NRCAM: variants seen among roughly 807,000 people sequenced by gnomAD.
NRCAM encodes the protein neuronal cell adhesion molecule.
A neutral mutation model predicts 156.5 loss-of-function variants in NRCAM; 83 were observed. The observed-to-expected ratio is 0.53, with a 90% confidence interval of 0.44 to 0.64. The LOEUF is 0.64. NRCAM is among the 30% of genes least tolerant of loss of function. The pLI is 0.00. For missense variants in NRCAM, 1,417 were observed against 1,597.3 expected (o/e 0.89, Z 1.92); for synonymous variants, 538 against 563.9 (o/e 0.95, Z 0.65).
At chr7:108,344,499 C>A (rs2193243) in intron 2 of NRCAM, among the ~76,000 whole-genome samples, 11,299 of 148,464 alleles carry the variant, frequency 0.076, 425 homozygotes, top group East Asian at 0.12. Flanking sequence ...TGAAAAAAAA[C>A]CCCTGCAAAA....
rs1468298114 is a variant in NRCAM, at chr7:108,148,394, T to C, written c.*1516A>G. The C allele has an allele frequency of 6.6e-6, 1 of 152,664 alleles. No homozygotes were observed. Among genetic ancestry groups the C allele is most frequent in the Non-Finnish European group, 1.5e-5 (1 of 68,038 alleles). The allele number at this position is 152,664 out of a possible 1,614,324, so 9.5% of individuals were successfully genotyped here. ...ACAAATTCAACAAAATATCTACATA[T>C]AAAAAGCTTTACTTAAAATTAAACT... On this transcript the variant is annotated 3_prime_UTR_variant, in exon 33 of 33. Transcript: ENST00000379028.
rs557538237 is a variant in NRCAM at position 108,212,505 on chromosome 7, G to A, written c.891-2900C>T. Among the ~76,000 whole-genome samples the A allele has an allele frequency of 2.4e-4, 37 of 152,092 alleles. 1 individual carries two copies. Among genetic ancestry groups the A allele is most frequent in the African/African-American group, 8.9e-4 (37 of 41,410 alleles). The stretch of plus-strand genomic sequence containing the variant: ...TAAGGAAATCCAAAAAACAATACAA[G>A]AAGCAAAGGGAGAAATAGTCTAGGA... On this transcript the variant is annotated intron_variant, in intron 11 of 32. Transcript: ENST00000379028.
At chr7:108,333,973 A>T (rs942205451) in intron 2 of NRCAM, among the ~76,000 whole-genome samples, 1 of 152,186 alleles carries the variant, frequency 6.6e-6, no homozygotes, top group African/African-American at 2.4e-5. Flanking sequence ...TAATTTCAAC[A>T]AAGTTGCAAT....
At chr7:108,318,903 T>C (rs2098965696) in intron 2 of NRCAM, among the ~76,000 whole-genome samples, 1 of 152,182 alleles carries the variant, frequency 6.6e-6, no homozygotes, top group Non-Finnish European at 1.5e-5. Flanking sequence ...CAGTTCATGT[T>C]TATATATTTT....
At chr7:108,402,953 G>T (rs1028917061) in intron 1 of NRCAM, among the ~76,000 whole-genome samples, 5 of 130,888 alleles carry the variant, frequency 3.8e-5, no homozygotes, top group Non-Finnish European at 9.3e-5. Context: ...AAGACCATAC[G>T]AGAGAGCATG....
Position 108,209,583 on chromosome 7 carries a change from C to A in NRCAM, c.913G>T (p.Ala305Ser), listed in dbSNP as rs1252049280. 1 of 1,608,326 alleles carries A rather than the reference C, an allele frequency of 6.2e-7. No homozygotes were observed. The highest frequency in any genetic ancestry group is 8.5e-7 in the Non-Finnish European group (1 of 1,178,142). Residue 305 changes from alanine to serine, a missense_variant, in exon 12 of 33, where the codon GCA (alanine) becomes TCA (serine). Physicochemically the swap from Ala to Ser is moderately conservative, Grantham distance 99. This residue lies in a region of NRCAM where 1,238 missense variants were observed against 1,336.4 expected (regional missense o/e 0.93). Coordinates refer to ENST00000379028, the MANE Select transcript of NRCAM (RefSeq NM_001037132.4). Reference sequence around the variant, plus strand: ...TTGGGTAGCATTCCATCTTCCTTTGCCCAGTAAATAATTGGGGTAGGCCTG... The same window carrying A: ...TTGGGTAGCATTCCATCTTCCTTTGACCAGTAAATAATTGGGGTAGGCCTG... ...EGLPTPIIYW[A>S]KEDGMLPKNR... is the part of the protein sequence containing the mutation.
chr7:108,212,967 C>T (rs907567198), intron 11 of NRCAM, among the ~76,000 whole-genome samples: 24 of 151,980 alleles, frequency 1.6e-4, no homozygotes, highest in Non-Finnish European at 2.9e-4. Context: ...GTTAAGATGA[C>T]GGAAATAATC....
intron 1 of NRCAM, among the ~76,000 whole-genome samples, chr7:108,427,214 C>T (rs1215457973): frequency 6.6e-6 from 1 of 152,142 alleles, no homozygotes; most frequent in East Asian, 1.9e-4. Context: ...CTTCCTTCCC[C>T]AAAGACCCAG....
At chr7:108,266,077 T>C (rs2097092948) in intron 3 of NRCAM, among the ~76,000 whole-genome samples, 1 of 152,230 alleles carries the variant, frequency 6.6e-6, no homozygotes, top group Non-Finnish European at 1.5e-5. Context: ...ATAGTATTAA[T>C]GTATTGTATG....
chr7:108,171,276 CAA>C (rs2058309397), intron 28 of NRCAM, among the ~76,000 whole-genome samples: 1 of 85,600 alleles, frequency 1.2e-5, no homozygotes, highest in South Asian at 4.0e-4. Flanking sequence ...GCTGAAACTA[CAA>C]CTCTTATCTA....
Position 108,232,423 on chromosome 7 carries a change from G to A in NRCAM, c.330C>T (p.Ser110=), listed in dbSNP as rs546208936. 6.8e-6 allele frequency: 11 copies of A among 1,613,508 alleles called. No individual in the cohort carries two copies. The highest frequency in any genetic ancestry group is 6.7e-5 in the Admixed American group (4 of 59,954). The change falls in exon 7 of 33, where the codon AGC becomes AGT. Residue 110 remains serine, a synonymous_variant. Coordinates refer to ENST00000379028, the MANE Select transcript of NRCAM (RefSeq NM_001037132.4). ...GTGTLIINIM[S]EGKAETYEGV... ...CTTCATAGGTCTCAGCTTTCCCTTC[G>A]CTCATGATGTTAATTATGAGCGTTC... is the stretch of plus-strand genomic sequence containing the variant.
chr7:108,267,146 T>A (rs141227154), intron 3 of NRCAM, among the ~76,000 whole-genome samples: 1 of 152,210 alleles, frequency 6.6e-6, no homozygotes, highest in Non-Finnish European at 1.5e-5. Context: ...CCAGAATCTT[T>A]TATAATAAGC....
chr7:108,266,444 A>T (rs910684779), intron 3 of NRCAM, among the ~76,000 whole-genome samples: 1 of 152,222 alleles, frequency 6.6e-6, no homozygotes, highest in East Asian at 1.9e-4. Flanking sequence ...GATGAGGCTT[A>T]TGGTCATCTG....
intron 24 of NRCAM, among the ~76,000 whole-genome samples, chr7:108,181,413 C>T (rs974465934): frequency 6.6e-6 from 1 of 152,024 alleles, no homozygotes; most frequent in African/African-American, 2.4e-5. Context: ...AGTATATGGT[C>T]TTAAAGTATA....
intron 26 of NRCAM, among the ~76,000 whole-genome samples, chr7:108,177,624 A>AATATATATATATATATATAT (rs59391934): frequency 1.2e-5 from 1 of 80,594 alleles, no homozygotes; most frequent in Non-Finnish European, 2.9e-5. Flanking sequence ...CTCCATCTCA[A>AATATATATATATATATATAT]ATATATATAT....
At chr7:108,284,593 C>A (rs1033052725) in intron 3 of NRCAM, among the ~76,000 whole-genome samples, 5 of 152,126 alleles carry the variant, frequency 3.3e-5, no homozygotes, top group Admixed American at 2.6e-4. Flanking sequence ...GTGGCTCACA[C>A]CCCTCCCCTT....
intron 1 of NRCAM, among the ~76,000 whole-genome samples, chr7:108,405,041 T>C (rs1285379145): frequency 6.6e-6 from 1 of 152,234 alleles, no homozygotes; most frequent in Non-Finnish European, 1.5e-5. Context: ...GTGAGTGACT[T>C]AGCAGCACAG....
At chr7:108,367,195 G>A (rs1157901975) in intron 2 of NRCAM, among the ~76,000 whole-genome samples, 1 of 152,038 alleles carries the variant, frequency 6.6e-6, no homozygotes, top group East Asian at 1.9e-4. Flanking sequence ...GTACCTGCTT[G>A]GATCCAATCA....
intron 2 of NRCAM, among the ~76,000 whole-genome samples, chr7:108,369,554 G>GT (rs2099615561): frequency 6.6e-6 from 1 of 151,986 alleles, no homozygotes; most frequent in Non-Finnish European, 1.5e-5. Context: ...TTCCCAAGTA[G>GT]TTTTTTAGTT....
Sources: gnomAD v4.1 joint callset for allele counts (sites outside exome capture counted in the v4.1 genomes callset) on GRCh38, gnomAD v4.1.1 for gene constraint, gnomAD v4.1.1 regional missense constraint, MANE v1.5 for transcripts, NCBI Gene and HGNC (gene_info 2026-07-23, HGNC 2026-07-21) for gene names.